PPM1A: variants seen among roughly 807,000 people sequenced by gnomAD.
PPM1A encodes protein phosphatase 1A.
PPM1A carries 7 observed loss-of-function variants against 35.0 expected under a neutral mutation model. The ratio of observed to expected loss-of-function variants is 0.20; its 90% confidence interval spans 0.11 to 0.38. The LOEUF (loss-of-function observed/expected upper bound fraction) is 0.38. Among genes scored for constraint, PPM1A ranks in the 10% least tolerant of loss-of-function variants. The probability of loss-of-function intolerance (pLI) is 1.00; values close to 1 mark genes in which losing one functional copy is unlikely to be tolerated. For synonymous variants in PPM1A, 153 were observed against 167.3 expected (o/e 0.91, Z 0.66); for missense variants, 239 against 467.8 (o/e 0.51, Z 4.51).
At chr14:60,265,518 A>G (rs537171302) in intron 1 of PPM1A, among the ~76,000 whole-genome samples, 10 of 152,206 alleles carry the variant, frequency 6.6e-5, no homozygotes, top group South Asian at 2.1e-4. Context: ...TTTTGTTTGT[A>G]TAGTTAATAA....
upstream of PPM1A, among the ~76,000 whole-genome samples, chr14:60,247,960 TGCATCAGAACATCTTTTAAAAATAC>T (rs1242110699): frequency 6.6e-6 from 1 of 152,230 alleles, no homozygotes. Flanking sequence ...GGTTTGTGTG[TGCATCAGAACATCTTTTAAAAATAC>T]GGACTTTTCT....
Position 60,293,714 on chromosome 14 carries a change from T to G in PPM1A, c.*1232T>G, listed in dbSNP as rs186615079. 1 of 151,668 alleles carries G rather than the reference T, an allele frequency of 6.6e-6. No homozygotes were observed. The highest frequency in any genetic ancestry group is 1.5e-5 in the Non-Finnish European group (1 of 67,730). 9.4% of individuals were successfully genotyped at this position (151,668 alleles called of 1,614,324 possible). On this transcript the variant is annotated 3_prime_UTR_variant, in exon 6 of 6. Coordinates refer to ENST00000395076, the MANE Select transcript of PPM1A (RefSeq NM_021003.5). This position sits in a 1 kb window ranked among gnomAD's most constrained non-coding sequence, Gnocchi z 4.0. ...TGTGAGTGTGTGTTTGCCTGTGATT[T>G]TTAATTGGCCCATGTCTTTAGAATC...
Position 60,285,739 on chromosome 14 carries a change from A to G in PPM1A, c.950A>G (p.Glu317Gly), listed in dbSNP as rs1339025581. ...GACAAGTACCTGGAATGCAGAGTAG[A>G]AGGTGGATCATTTAACAAAAAATAA... Reference protein sequence around the residue: ...ELDKYLECRVEEIIKKQGEGV... With the variant: ...ELDKYLECRVGEIIKKQGEGV... The change falls in exon 3 of 6, where the codon GAA (glutamate) becomes GGA (glycine). Residue 317 changes from glutamate to glycine, a missense_variant and splice_region_variant. Around this residue, in one of 2 missense-constraint regions of PPM1A, gnomAD observed 175 missense variants for 389.2 expected, o/e 0.45. Coordinates refer to ENST00000395076, the MANE Select transcript of PPM1A (RefSeq NM_021003.5). 6.2e-7 allele frequency: 1 copy of G among 1,609,948 alleles called. No homozygotes were observed.
chr14:60,285,109 C>T (rs896886573), intron 2 of PPM1A, among the ~76,000 whole-genome samples: 10 of 152,058 alleles, frequency 6.6e-5, no homozygotes, highest in Admixed American at 6.5e-4. Context: ...GTAGTTTTAC[C>T]TCTTATTTCA....
At chr14:60,278,247 T>C (rs1416021864) in intron 1 of PPM1A, among the ~76,000 whole-genome samples, 1 of 152,038 alleles carries the variant, frequency 6.6e-6, no homozygotes, top group African/African-American at 2.4e-5. Flanking sequence ...CTGTCTAAGA[T>C]AGAAGTGAAT....
Position 60,282,463 on chromosome 14 carries a change from A to C in PPM1A, c.-20-221A>C, listed in dbSNP as rs1189833024. On this transcript the variant is annotated intron_variant, in intron 1 of 5. Coordinates refer to ENST00000395076, the MANE Select transcript of PPM1A (RefSeq NM_021003.5). The surrounding 1 kb of genome is among the most constrained non-coding windows in gnomAD (Gnocchi z 5.1). Reference sequence around the variant, plus strand: ...CTTCTCCCCTTTATCCCAATGCTTTAGTTTTTTTCTGCCTTTTTGTCTGTT... The same window carrying C: ...CTTCTCCCCTTTATCCCAATGCTTTCGTTTTTTTCTGCCTTTTTGTCTGTT... Among the ~76,000 whole-genome samples the C allele has an allele frequency of 6.6e-6, 1 of 152,088 alleles. No homozygotes were observed. Among genetic ancestry groups the C allele is most frequent in the African/African-American group, 2.4e-5 (1 of 41,388 alleles).
intron 1 of PPM1A, among the ~76,000 whole-genome samples, chr14:60,276,300 A>G (rs1173132175): frequency 2.6e-5 from 4 of 151,634 alleles, no homozygotes; most frequent in Admixed American, 2.6e-4. Context: ...CCTTTTCCCC[A>G]CCTTCCCCGA....
At chr14:60,247,706 G>A (rs1323582875), upstream of PPM1A, among the ~76,000 whole-genome samples, 1 of 151,150 alleles carries the variant, frequency 6.6e-6, no homozygotes, top group Non-Finnish European at 1.5e-5. Context: ...ATTAGAGATG[G>A]CTTTTTACAA....
In PPM1A at chr14:60,296,211, G is replaced by T. The variant is rs6573305; in HGVS notation, c.*3729G>T. 0.4 allele frequency: 60,141 copies of T among 151,538 alleles called. 13,598 individuals carry two copies. The highest frequency in any genetic ancestry group is 0.62 in the African/African-American group (25,676 of 41,432). The allele number at this position is 151,538 out of a possible 1,614,324, so 9.4% of individuals were successfully genotyped here. A position where few individuals can be genotyped will look rare whatever the true frequency, so the allele number is the denominator to read the frequency against. ...AATTTTAGCCAAATTATTACTATGTGTTTTAATATTTTAAAATAATTTCAC... is the reference window on the plus strand; with the variant it reads ...AATTTTAGCCAAATTATTACTATGTTTTTTAATATTTTAAAATAATTTCAC... On this transcript the variant is annotated 3_prime_UTR_variant, in exon 6 of 6. Transcript: ENST00000395076. The surrounding 1 kb of genome is among the most constrained non-coding windows in gnomAD (Gnocchi z 4.4).
intron 1 of PPM1A, among the ~76,000 whole-genome samples, chr14:60,280,725 T>C (rs879564029): frequency 2.6e-5 from 4 of 152,234 alleles, no homozygotes; most frequent in Non-Finnish European, 4.4e-5. Flanking sequence ...AGGCATTCCA[T>C]CTAATCTTTT....
At chr14:60,247,633 A>G (rs1012320141), upstream of PPM1A, among the ~76,000 whole-genome samples, 8 of 148,022 alleles carry the variant, frequency 5.4e-5, no homozygotes, top group African/African-American at 2.0e-4. Context: ...GTCTCAAAAA[A>G]AAAAAAAAAA....
At position 60,255,700 on chromosome 14, in the gene PPM1A, C is replaced by G. The variant is rs137870380; in HGVS notation, c.-21+6023C>G. On this transcript the variant is annotated intron_variant, in intron 1 of 5. Coordinates refer to ENST00000395076, the MANE Select transcript of PPM1A (RefSeq NM_021003.5). ...TAGTTACAAGCTTTATCGTAGCAGACGTTTCTGACTCTCTTCCTGAATGTT... is the reference window on the plus strand; with the variant it reads ...TAGTTACAAGCTTTATCGTAGCAGAGGTTTCTGACTCTCTTCCTGAATGTT... Among the ~76,000 whole-genome samples, 1,035 of 152,270 alleles carry G rather than the reference C, an allele frequency of 6.8e-3. 14 individuals are homozygous for G. Among genetic ancestry groups the G allele is most frequent in the African/African-American group, 0.024 (1,005 of 41,550 alleles).
rs1468478458 is a variant in PPM1A, at chr14:60,296,021, C to T, written c.*3539C>T. 2 of 151,644 alleles carry T rather than the reference C, an allele frequency of 1.3e-5. No individual in the cohort carries two copies. Among genetic ancestry groups the T allele is most frequent in the East Asian group, 3.8e-4 (2 of 5,202 alleles). The allele number at this position is 151,644 out of a possible 1,614,324, so 9.4% of individuals were successfully genotyped here. A position where few individuals can be genotyped will look rare whatever the true frequency, so the allele number is the denominator to read the frequency against. ...CAACGGCCTTTATTCTTCCTGCTGA[C>T]AGCAGTAACTCAGAGGAATAGGTAG... On this transcript the variant is annotated 3_prime_UTR_variant, in exon 6 of 6. Coordinates refer to ENST00000395076, the MANE Select transcript of PPM1A (RefSeq NM_021003.5). This position sits in a 1 kb window ranked among gnomAD's most constrained non-coding sequence, Gnocchi z 4.4.
rs1025444779 is a variant in PPM1A at position 60,268,344 on chromosome 14, G to A, written c.-20-14340G>A. 31 of 978,120 alleles carry A rather than the reference G, an allele frequency of 3.2e-5. No individual in the cohort carries two copies. The Admixed American group carries it at 5.0e-4, about 16-fold the overall frequency. The allele number at this position is 978,120 out of a possible 1,614,324, so 60.6% of individuals were successfully genotyped here. ...TTGAAAAAAAAAAAATTTGTTTTCC[G>A]AGAACTGTTACTTTCCTCCATATTT... On this transcript the variant is annotated intron_variant, in intron 1 of 5. Transcript: ENST00000395076.
At chr14:60,285,809 A>G (rs769169950) in intron 3 of PPM1A, 68 bp downstream of exon 3, 2 of 1,576,542 alleles carry the variant, frequency 1.3e-6, no homozygotes, top group East Asian at 2.3e-5. Context: ...AAACTTTAAC[A>G]TTTTAGCTTT....
chr14:60,280,447 A>G (rs747717379), intron 1 of PPM1A, among the ~76,000 whole-genome samples: 3 of 152,222 alleles, frequency 2.0e-5, no homozygotes, highest in African/African-American at 7.2e-5. Context: ...ACTTCATGCT[A>G]TTGGTGAATT....
rs1886142501 is a variant in PPM1A at position 60,279,497 on chromosome 14, ATC to A, written c.-20-3186_-20-3185del. Among the ~76,000 whole-genome samples, 9 of 152,192 alleles carry A rather than the reference ATC, an allele frequency of 5.9e-5. No homozygotes were observed. The South Asian group carries it at 1.9e-3, about 32-fold the overall frequency. On this transcript the variant is annotated intron_variant, in intron 1 of 5. Coordinates refer to ENST00000395076, the MANE Select transcript of PPM1A (RefSeq NM_021003.5). ...TAACCCATACTGATTAAACTGATTT[ATC>A]ACCCGTGTTCATTATTTTTAAAACG...
intron 1 of PPM1A, among the ~76,000 whole-genome samples, chr14:60,264,337 T>C (rs1884126741): frequency 6.6e-6 from 1 of 152,034 alleles, no homozygotes; most frequent in South Asian, 2.1e-4. Context: ...TTTTTTTTTC[T>C]GGTAGTTTTT....
Position 60,249,912 on chromosome 14 carries a change from T to G in PPM1A, c.-21+235T>G, listed in dbSNP as rs61992479. Among the ~76,000 whole-genome samples, 151,285 of 151,302 alleles carry G rather than the reference T, an allele frequency of 1. 75,634 individuals carry two copies. The highest frequency in any genetic ancestry group is 1 in the Middle Eastern group (292 of 292). ...GGGGAGGCGGGGGCGGGGTGTTAGT[T>G]GCGGTGGCGCGGGGAGGGGGCGCGA... On this transcript the variant is annotated intron_variant, in intron 1 of 5. Transcript: ENST00000395076. The surrounding 1 kb of genome is among the most constrained non-coding windows in gnomAD (Gnocchi z 4.5).
Sources: allele counts gnomAD v4.1 joint callset (sites outside exome capture counted in the v4.1 genomes callset), GRCh38; gene constraint gnomAD v4.1.1; regional missense constraint gnomAD v4.1.1; non-coding constraint Gnocchi (gnomAD v3.1); transcripts MANE v1.5; gene names NCBI Gene and HGNC (gene_info 2026-07-23, HGNC 2026-07-21).